The following TMEM72 variants were observed in gnomAD, a reference collection of about 807,000 sequenced individuals.
TMEM72 encodes kidney-specific secretory protein of 37 kDa.
TMEM72 carries 9 observed loss-of-function variants against 16.3 expected under a neutral mutation model. The observed-to-expected ratio is 0.55, with a 90% CI of 0.33 to 0.96. The LOEUF is 0.96. Ranked by LOEUF, TMEM72 falls within the 40% of genes least tolerant of loss-of-function variation. The pLI is 0.03. For synonymous variants in TMEM72, 160 were observed against 146.5 expected (o/e 1.09, Z -0.66); for missense variants, 324 against 337.8 (o/e 0.96, Z 0.32).
At chr10:44,921,824 C>T (rs117758224) in intron 1 of TMEM72, among the ~76,000 whole-genome samples, 4,767 of 152,334 alleles carry the variant, frequency 0.031, 117 homozygotes, top group Middle Eastern at 0.048. Flanking sequence ...GCCAGAGCTA[C>T]CACTCTCAGG....
rs563934581 is a variant in TMEM72, at chr10:44,922,897, CAG to C, written c.71-5020_71-5019del. On this transcript the variant is annotated intron_variant, in intron 1 of 4. Transcript: ENST00000389583. ...TTACTCTAAGGCGTCAGGCCAGACA[CAG>C]AGACTTCTATGCCAAAAACCTCAGG... Among the ~76,000 whole-genome samples, 563 of 152,358 alleles carry C rather than the reference CAG, an allele frequency of 3.7e-3. 3 individuals carry two copies. The highest frequency in any genetic ancestry group is 6.8e-3 in the Middle Eastern group (2 of 294).
intron 1 of TMEM72, among the ~76,000 whole-genome samples, chr10:44,922,168 C>T (rs1840110561): frequency 6.6e-6 from 1 of 152,170 alleles, no homozygotes; most frequent in Non-Finnish European, 1.5e-5. Context: ...TGGCAGAAAC[C>T]TAAGGTCCAA....
At chr10:44,934,564 G>T in intron 4 of TMEM72, 92 bp from the exon 5 acceptor site, 1 of 1,307,100 alleles carries the variant, frequency 7.7e-7, no homozygotes, top group Non-Finnish European at 1.0e-6. Flanking sequence ...CACAGCGCCG[G>T]GTTGCAGGAG....
intron 1 of TMEM72, 108 bp from the exon 2 acceptor site, chr10:44,927,813 T>C: frequency 9.1e-7 from 1 of 1,094,538 alleles, no homozygotes; most frequent in Non-Finnish European, 1.3e-6. Flanking sequence ...CTACCTTGGC[T>C]GTCAGTCCCC....
At chr10:44,917,759 C>T (rs937842319) in intron 1 of TMEM72, among the ~76,000 whole-genome samples, 15 of 152,120 alleles carry the variant, frequency 9.9e-5, no homozygotes, top group Admixed American at 9.2e-4. Flanking sequence ...GGACAGAGAA[C>T]AATGGGAGCA....
Position 44,920,414 on chromosome 10 carries a change from C to T in TMEM72, c.71-7507C>T, listed in dbSNP as rs149785878. Among the ~76,000 whole-genome samples the T allele has an allele frequency of 3.7e-3, 570 of 152,328 alleles. 3 individuals carry two copies. Among genetic ancestry groups the T allele is most frequent in the African/African-American group, 0.013 (544 of 41,568 alleles). ...CCTCAGTAGGCAGCCCCGCAGATGG[C>T]CCCAGCCTCAGGAACATGCTGGCCT... On this transcript the variant is annotated intron_variant, in intron 1 of 4. Transcript: ENST00000389583.
chr10:44,926,614 C>T (rs374194299), intron 1 of TMEM72, among the ~76,000 whole-genome samples: 3 of 152,244 alleles, frequency 2.0e-5, no homozygotes, highest in Admixed American at 1.3e-4. Context: ...GACTCGGTGT[C>T]CGCCTCCTGT....
rs767308224 is a variant in TMEM72 at position 44,911,399 on chromosome 10, C to G, written c.-114C>G. ...GGACTGGTTTGGGAAGGCAGGGCCC[C>G]GGTGTGCAGCCACAGCCAGCAGCCT... On this transcript the variant is annotated 5_prime_UTR_variant, in exon 1 of 5. Transcript: ENST00000389583. The G allele has an allele frequency of 3.5e-6, 4 of 1,129,828 alleles. No homozygotes were observed. The highest frequency in any genetic ancestry group is 1.5e-5 in the South Asian group (1 of 67,298). The allele number at this position is 1,129,828 out of a possible 1,614,324, so 70.0% of individuals were successfully genotyped here. A position where few individuals can be genotyped will look rare whatever the true frequency, so the allele number is the denominator to read the frequency against.
At chr10:44,928,127 G>A in intron 2 of TMEM72, 140 bp downstream of exon 2, 1 of 910,954 alleles carries the variant, frequency 1.1e-6, no homozygotes. Flanking sequence ...AGTTGAGGGG[G>A]GCTCTAGAAT....
chr10:44,916,994 C>T (rs1223412552), intron 1 of TMEM72, among the ~76,000 whole-genome samples: 1 of 152,138 alleles, frequency 6.6e-6, no homozygotes, highest in Admixed American at 6.5e-5. Flanking sequence ...ATTTTGATGA[C>T]CCCAAGATGC....
intron 1 of TMEM72, among the ~76,000 whole-genome samples, chr10:44,912,870 C>T (rs1253352517): frequency 6.6e-6 from 1 of 152,138 alleles, no homozygotes; most frequent in Non-Finnish European, 1.5e-5. Flanking sequence ...ATGGTTTAAC[C>T]CCACCCCTCC....
chr10:44,935,170 G>T lies in TMEM72; in HGVS notation c.*36G>T. 6.5e-7 allele frequency: 1 copy of T among 1,529,246 alleles called. No homozygotes were observed. Among genetic ancestry groups the T allele is most frequent in the Non-Finnish European group, 8.8e-7 (1 of 1,138,566 alleles). 94.7% of individuals were successfully genotyped at this position (1,529,246 alleles called of 1,614,324 possible). On this transcript the variant is annotated 3_prime_UTR_variant, in exon 5 of 5. Transcript: ENST00000389583. ...CAGCCTGGAGGACGCTCAGTGAGGGGTCTACCTAGCTCAATGGCCCTCCCT... is the reference window on the plus strand; with the variant it reads ...CAGCCTGGAGGACGCTCAGTGAGGGTTCTACCTAGCTCAATGGCCCTCCCT...
At chr10:44,933,610 A>T in intron 3 of TMEM72, 27 bp from the exon 4 acceptor site, 2 of 1,604,090 alleles carry the variant, frequency 1.2e-6, no homozygotes, top group Non-Finnish European at 1.7e-6. Context: ...GGGACACATT[A>T]TGCTAACCTG....
chr10:44,932,349 C>T (rs1018379777), intron 3 of TMEM72, among the ~76,000 whole-genome samples: 2 of 152,232 alleles, frequency 1.3e-5, no homozygotes, highest in African/African-American at 4.8e-5. Flanking sequence ...CTCCCCCTCA[C>T]CAGGAGCAGC....
Position 44,935,226 on chromosome 10 carries a change from T to C in TMEM72, c.*92T>C. On this transcript the variant is annotated 3_prime_UTR_variant, in exon 5 of 5. Coordinates refer to ENST00000389583, the MANE Select transcript of TMEM72 (RefSeq NM_001123376.3). ...TTCAGGGTCTTCTCTGGTCAGCTTTTCAAGGGGTAACCAGACACCCCCACA... is the reference window on the plus strand; with the variant it reads ...TTCAGGGTCTTCTCTGGTCAGCTTTCCAAGGGGTAACCAGACACCCCCACA... The C allele has an allele frequency of 3.1e-6, 4 of 1,308,542 alleles. No individual in the cohort carries two copies. The South Asian group carries it at 4.6e-5, about 15-fold the overall frequency. 81.1% of individuals were successfully genotyped at this position (1,308,542 alleles called of 1,614,324 possible).
intron 1 of TMEM72, among the ~76,000 whole-genome samples, chr10:44,916,984 AT>A (rs1840022109): frequency 6.6e-6 from 1 of 152,152 alleles, no homozygotes; most frequent in African/African-American, 2.4e-5. Context: ...GTCCCATAGT[AT>A]TTTGATGACC....
At chr10:44,913,452 G>GCACACA (rs35296531) in intron 1 of TMEM72, among the ~76,000 whole-genome samples, 33 of 148,872 alleles carry the variant, frequency 2.2e-4, no homozygotes, top group Non-Finnish European at 3.4e-4. Context: ...CCATGTGCAC[G>GCACACA]CACACACACA....
At chr10:44,929,110 C>T (rs756141519) in intron 2 of TMEM72, among the ~76,000 whole-genome samples, 44 of 152,238 alleles carry the variant, frequency 2.9e-4, no homozygotes, top group Non-Finnish European at 4.1e-4. Flanking sequence ...CATCACCAAG[C>T]TCATGAGCAG....
At position 44,936,560 on chromosome 10, in the gene TMEM72, T is replaced by C. The variant is rs559999966; in HGVS notation, c.*1426T>C. 14 of 152,252 alleles carry C rather than the reference T, an allele frequency of 9.2e-5. No individual in the cohort carries two copies. Among genetic ancestry groups the C allele is most frequent in the African/African-American group, 2.9e-4 (12 of 41,552 alleles). The allele number at this position is 152,252 out of a possible 1,614,324, so 9.4% of individuals were successfully genotyped here. A position where few individuals can be genotyped will look rare whatever the true frequency, so the allele number is the denominator to read the frequency against. On this transcript the variant is annotated 3_prime_UTR_variant, in exon 5 of 5. Transcript: ENST00000389583. ...AGCCCAGGTCTCACCAAATGACAAA[T>C]GGCTAATCAAGACACTCCTGCAAGC...
Sources: allele counts gnomAD v4.1 joint callset (sites outside exome capture counted in the v4.1 genomes callset), GRCh38; gene constraint gnomAD v4.1.1; transcripts MANE v1.5; gene names NCBI Gene and HGNC (gene_info 2026-07-23, HGNC 2026-07-21).